Variants in HSD17B2 observed in about 807,000 individuals in gnomAD.
HSD17B2 encodes the protein 17-beta-hydroxysteroid dehydrogenase type 2.
In HSD17B2, 32 loss-of-function variants were observed where a neutral mutation model predicts 26.9. The ratio of observed to expected loss-of-function variants is 1.19; its 90% CI spans 0.90 to 1.60. The LOEUF is 1.60. HSD17B2 is among the 40% of genes most tolerant of loss of function. The pLI is 0.00. For missense variants in HSD17B2, 613 were observed against 468.6 expected (o/e 1.31, Z -2.85); for synonymous variants, 246 against 186.7 (o/e 1.32, Z -2.59).
intron 3 of HSD17B2, among the ~76,000 whole-genome samples, chr16:82,077,048 C>T (rs1024071311): frequency 6.6e-6 from 1 of 152,066 alleles, no homozygotes; most frequent in African/African-American, 2.4e-5. Flanking sequence ...TATTCCATGT[C>T]CATAGGTTGG....
chr16:82,061,444 C>G (rs1348858590), intron 1 of HSD17B2, among the ~76,000 whole-genome samples: 1 of 152,128 alleles, frequency 6.6e-6, no homozygotes, highest in Non-Finnish European at 1.5e-5. Context: ...AAGTGACAGC[C>G]AAAGTCACAC....
At chr16:82,038,154 T>G (rs1299809575) in intron 1 of HSD17B2, among the ~76,000 whole-genome samples, 2 of 152,162 alleles carry the variant, frequency 1.3e-5, no homozygotes, top group Non-Finnish European at 2.9e-5. Context: ...AAAAATGACT[T>G]TTTTCTCCCC....
intron 1 of HSD17B2, among the ~76,000 whole-genome samples, chr16:82,053,301 G>A (rs1454415069): frequency 2.0e-5 from 3 of 152,082 alleles, no homozygotes; most frequent in Non-Finnish European, 4.4e-5. Context: ...AGTCTTACAG[G>A]TAGAGAAGAT....
At position 82,089,095 on chromosome 16, in the gene HSD17B2, A is replaced by G. The variant is rs142925893; in HGVS notation, c.665-1807A>G. 7.8e-4 allele frequency among the ~76,000 whole-genome samples: 118 copies of G among 152,256 alleles called. 1 individual carries two copies. Among genetic ancestry groups the G allele is most frequent in the African/African-American group, 2.8e-3 (116 of 41,546 alleles). ...TCACACTAGGGGTTAGGGCTTCAAA[A>G]TACGAATTTTGATGGGGGTGGGCAC... On this transcript the variant is annotated intron_variant, in intron 3 of 4. Transcript: ENST00000199936.
intron 1 of HSD17B2, chr16:82,044,729 G>C (rs1255229770): frequency 6.6e-6 from 1 of 152,292 alleles, no homozygotes; most frequent in African/African-American, 2.4e-5. Context: ...GGAGCCAGAG[G>C]GGCCAGGAAC....
At chr16:82,069,801 A>G (rs1022900089) in intron 2 of HSD17B2, among the ~76,000 whole-genome samples, 7 of 152,140 alleles carry the variant, frequency 4.6e-5, no homozygotes, top group African/African-American at 1.7e-4. Flanking sequence ...CCCTAGCTTG[A>G]TTTCGGAAGA....
intron 3 of HSD17B2, among the ~76,000 whole-genome samples, chr16:82,072,543 G>A (rs1238797349): frequency 1.3e-5 from 2 of 152,022 alleles, no homozygotes; most frequent in African/African-American, 4.8e-5. Context: ...CTCCTCCTTG[G>A]CACACTGACA....
chr16:82,051,527 G>T (rs372400132), intron 1 of HSD17B2, among the ~76,000 whole-genome samples: 112 of 152,144 alleles, frequency 7.4e-4, no homozygotes, highest in African/African-American at 2.2e-3. Flanking sequence ...GAGAACATAG[G>T]GACACAGAGA....
At chr16:82,078,601 G>C (rs961359791) in intron 3 of HSD17B2, among the ~76,000 whole-genome samples, 18 of 152,212 alleles carry the variant, frequency 1.2e-4, no homozygotes, top group African/African-American at 4.3e-4. Context: ...CTATAGCCAA[G>C]ATTTGGAAGT....
chr16:82,036,923 G>A (rs982032237), intron 1 of HSD17B2, among the ~76,000 whole-genome samples: 1 of 152,162 alleles, frequency 6.6e-6, no homozygotes, highest in African/African-American at 2.4e-5. Context: ...GTCCTGTTCT[G>A]TTATGAAACC....
In HSD17B2 at chr16:82,098,429, C is replaced by T; in HGVS notation, c.1157C>T (p.Ala386Val). The T allele has an allele frequency of 6.3e-7, 1 of 1,594,630 alleles. No individual in the cohort carries two copies. Among genetic ancestry groups the T allele is most frequent in the Non-Finnish European group, 8.5e-7 (1 of 1,170,266 alleles). Residue 386 changes from alanine (A) to valine (V), a missense_variant, in exon 5 of 5, where the codon GCC becomes GTC. Ala to Val is a moderately conservative substitution (Grantham distance 64, BLOSUM62 0). Transcript: ENST00000199936. The stretch of plus-strand genomic sequence containing the variant: ...AGAATGCCTAACTACAAGAAAAAGG[C>T]CACCTAGGCAATGGAAGCCCTCAAA... ...ALRMPNYKKKAT is the reference protein window; with the variant it reads ...ALRMPNYKKKVT
intron 1 of HSD17B2, among the ~76,000 whole-genome samples, chr16:82,048,035 T>C (rs8191079): frequency 2.6e-5 from 4 of 152,216 alleles, no homozygotes; most frequent in Admixed American, 1.3e-4. Flanking sequence ...GAATTTGACA[T>C]GCCAAGGTTG....
rs145022420 is a variant in HSD17B2 at position 82,076,336 on chromosome 16, G to A, written c.664+5209G>A. ...CCTCTAAGATCTAGAACACGACAAG[G>A]ATGCCCACTTTCACCACTGTTATTC... On this transcript the variant is annotated intron_variant, in intron 3 of 4. Transcript: ENST00000199936. Among the ~76,000 whole-genome samples the A allele has an allele frequency of 4.7e-3, 719 of 152,252 alleles. 6 individuals carry two copies. Among genetic ancestry groups the A allele is most frequent in the African/African-American group, 0.017 (686 of 41,546 alleles).
intron 1 of HSD17B2, among the ~76,000 whole-genome samples, chr16:82,038,005 G>A (rs1413643376): frequency 1.3e-5 from 2 of 152,110 alleles, no homozygotes; most frequent in Non-Finnish European, 2.9e-5. Context: ...TTTCTCTCCT[G>A]GATTTCAAAT....
chr16:82,066,642 C>T (rs1188732715), intron 1 of HSD17B2, among the ~76,000 whole-genome samples: 1 of 152,144 alleles, frequency 6.6e-6, no homozygotes, highest in East Asian at 1.9e-4. Flanking sequence ...CTTCCAAATT[C>T]TTTTTTATTT....
intron 3 of HSD17B2, among the ~76,000 whole-genome samples, chr16:82,084,746 C>A (rs9319572): frequency 1.3e-5 from 2 of 151,954 alleles, no homozygotes. Flanking sequence ...GAAGATAAAC[C>A]CCTCTAAAAC....
At chr16:82,050,157 G>T (rs994338128) in intron 1 of HSD17B2, among the ~76,000 whole-genome samples, 1 of 152,192 alleles carries the variant, frequency 6.6e-6, no homozygotes, top group East Asian at 1.9e-4. Flanking sequence ...TATGTACTCA[G>T]TTCCACTGGA....
At chr16:82,078,832 C>T (rs946912927) in intron 3 of HSD17B2, among the ~76,000 whole-genome samples, 6 of 152,050 alleles carry the variant, frequency 3.9e-5, no homozygotes, top group Admixed American at 3.9e-4. Context: ...AACAATTGAA[C>T]TCATGGAGAT....
chr16:82,064,995 G>C (rs1914537164), intron 1 of HSD17B2, among the ~76,000 whole-genome samples: 1 of 152,210 alleles, frequency 6.6e-6, no homozygotes, highest in Admixed American at 6.5e-5. Flanking sequence ...AAAGAGAAAA[G>C]CTGGTTGACT....
Sources: gnomAD v4.1 joint callset for allele counts (sites outside exome capture counted in the v4.1 genomes callset) on GRCh38, gnomAD v4.1.1 for gene constraint, MANE v1.5 for transcripts, NCBI Gene and HGNC (gene_info 2026-07-23, HGNC 2026-07-21) for gene names.